The following PPP2R3A variants were observed in gnomAD, a reference collection of about 807,000 sequenced individuals.
The protein encoded by PPP2R3A is serine/threonine-protein phosphatase 2A regulatory subunit B'' subunit alpha.
In PPP2R3A, 80 loss-of-function variants were observed where a neutral mutation model predicts 106.9. The observed-to-expected ratio is 0.75, with a 90% confidence interval of 0.62 to 0.90. PPP2R3A has a LOEUF of 0.90. PPP2R3A is among the 40% of genes least tolerant of loss of function. The pLI is 0.00. For missense variants in PPP2R3A, 1,386 were observed against 1,350.4 expected, an observed-to-expected ratio of 1.03 and a Z score of -0.41; for synonymous variants, 483 against 468.3, an observed-to-expected ratio of 1.03 and a Z score of -0.41.
intron 3 of PPP2R3A, among the ~76,000 whole-genome samples, chr3:136,035,906 G>GCTTT (rs1463194525): frequency 6.6e-6 from 1 of 151,926 alleles, no homozygotes; most frequent in African/African-American, 2.4e-5. Flanking sequence ...CTCCTTAGAG[G>GCTTT]CTTTGTTCAT....
intron 2 of PPP2R3A, among the ~76,000 whole-genome samples, chr3:136,013,540 G>A (rs1934166122): frequency 6.6e-6 from 1 of 151,952 alleles, no homozygotes; most frequent in Non-Finnish European, 1.5e-5. Context: ...TTAAATTATG[G>A]CCATTCTTGC....
intron 13 of PPP2R3A, among the ~76,000 whole-genome samples, chr3:136,132,397 A>G (rs1938461574): frequency 6.6e-6 from 1 of 152,192 alleles, no homozygotes; most frequent in Admixed American, 6.5e-5. Context: ...TACCAGTGCT[A>G]TTAAGTGAAT....
At chr3:136,035,740 C>T (rs1935063004) in intron 3 of PPP2R3A, among the ~76,000 whole-genome samples, 1 of 152,136 alleles carries the variant, frequency 6.6e-6, no homozygotes, top group African/African-American at 2.4e-5. Context: ...CCCAGATGTT[C>T]TTTGTGCTTC....
At chr3:136,053,962 G>A (rs1016823127) in intron 5 of PPP2R3A, among the ~76,000 whole-genome samples, 1 of 151,676 alleles carries the variant, frequency 6.6e-6, no homozygotes, top group Non-Finnish European at 1.5e-5. Flanking sequence ...AAAAATAAAG[G>A]TTAAAAAAAC....
chr3:136,127,920 A>AT (rs1938245197), intron 13 of PPP2R3A, among the ~76,000 whole-genome samples: 1 of 152,316 alleles, frequency 6.6e-6, no homozygotes, highest in Non-Finnish European at 1.5e-5. Context: ...ACTAAGCTTC[A>AT]TAAGTGAAGG....
chr3:136,143,528 G>T (rs1938964659), intron 13 of PPP2R3A, among the ~76,000 whole-genome samples: 1 of 151,730 alleles, frequency 6.6e-6, no homozygotes, highest in African/African-American at 2.4e-5. Flanking sequence ...AGTGGCTCAT[G>T]CCTGTAATCC....
At chr3:135,968,604 T>G (rs896079506) in intron 1 of PPP2R3A, among the ~76,000 whole-genome samples, 2 of 152,008 alleles carry the variant, frequency 1.3e-5, no homozygotes, top group Admixed American at 6.6e-5. Flanking sequence ...AGTCCAACAC[T>G]CTCATCAGAA....
intron 3 of PPP2R3A, among the ~76,000 whole-genome samples, chr3:136,035,090 T>C (rs1935041499): frequency 6.6e-6 from 1 of 152,222 alleles, no homozygotes; most frequent in Non-Finnish European, 1.5e-5. Flanking sequence ...TCCTTTACCT[T>C]AAGTTTGTGC....
intron 13 of PPP2R3A, among the ~76,000 whole-genome samples, chr3:136,117,151 G>T (rs577721774): frequency 6.6e-6 from 1 of 152,148 alleles, no homozygotes; most frequent in African/African-American, 2.4e-5. Flanking sequence ...GGTAAATAAC[G>T]AAATGAAGGC....
chr3:135,970,217 T>A (rs965432099), intron 1 of PPP2R3A, among the ~76,000 whole-genome samples: 4 of 152,086 alleles, frequency 2.6e-5, no homozygotes, highest in African/African-American at 9.7e-5. Context: ...CATTTTGAAG[T>A]TTAGTAGAGG....
At chr3:136,029,555 G>T (rs765213977) in intron 3 of PPP2R3A, among the ~76,000 whole-genome samples, 1 of 152,190 alleles carries the variant, frequency 6.6e-6, no homozygotes, top group Non-Finnish European at 1.5e-5. Flanking sequence ...CCGGAGGAAC[G>T]ACTTTGCCAT....
Position 136,101,990 on chromosome 3 carries a change from T to C in PPP2R3A, c.2928-17T>C. 2 of 1,606,044 alleles carry C rather than the reference T, an allele frequency of 1.2e-6. No individual in the cohort carries two copies. The highest frequency in any genetic ancestry group is 4.5e-5 in the East Asian group (2 of 44,716). ...GTCTTTACCAGGCCCATGATAATGA[T>C]TGTCCTTATCATCTAGCATTGAGTA... On this transcript the variant is annotated splice_polypyrimidine_tract_variant and intron_variant, in intron 10 of 13. Coordinates refer to ENST00000264977, the MANE Select transcript of PPP2R3A (RefSeq NM_002718.5).
intron 4 of PPP2R3A, among the ~76,000 whole-genome samples, chr3:136,043,615 G>C (rs1935372034): frequency 6.6e-6 from 1 of 152,212 alleles, no homozygotes; most frequent in East Asian, 1.9e-4. Flanking sequence ...TCTTCTTATA[G>C]TCAGGACATT....
chr3:136,081,179 GAC>G (rs1018118750), intron 7 of PPP2R3A, among the ~76,000 whole-genome samples: 1 of 151,790 alleles, frequency 6.6e-6, no homozygotes, highest in African/African-American at 2.4e-5. Flanking sequence ...TTATAGTAGA[GAC>G]GGGGTTTCAC....
At chr3:136,144,373 G>A (rs1939011505) in intron 13 of PPP2R3A, among the ~76,000 whole-genome samples, 1 of 152,148 alleles carries the variant, frequency 6.6e-6, no homozygotes, top group African/African-American at 2.4e-5. Flanking sequence ...GAGAAAGTTT[G>A]CCACTCTGGC....
intron 5 of PPP2R3A, among the ~76,000 whole-genome samples, chr3:136,056,947 TAA>T (rs1163522696): frequency 5.3e-5 from 8 of 152,116 alleles, no homozygotes; most frequent in Admixed American, 2.0e-4. Flanking sequence ...TCAGCATCAC[TAA>T]TCATCAGAGA....
intron 13 of PPP2R3A, among the ~76,000 whole-genome samples, chr3:136,119,505 A>G (rs1937909359): frequency 6.6e-6 from 1 of 152,242 alleles, no homozygotes; most frequent in Non-Finnish European, 1.5e-5. Flanking sequence ...CAAAGAACTT[A>G]AACAAATTAA....
intron 2 of PPP2R3A, among the ~76,000 whole-genome samples, chr3:136,012,160 C>T (rs1559868212): frequency 6.6e-6 from 1 of 152,048 alleles, no homozygotes; most frequent in Non-Finnish European, 1.5e-5. Context: ...TTATTATGGT[C>T]TGTAATGAGC....
rs200937090 is a variant in PPP2R3A, at chr3:136,001,999, C to T, written c.501C>T (p.Asn167=). The change falls in exon 2 of 14, where the codon AAC becomes AAT. Residue 167 remains asparagine (N), a synonymous_variant. Transcript: ENST00000264977. ...DLDLLCGHYN[N]DGNAPSFGLL... The stretch of plus-strand genomic sequence containing the variant: ...ACTTGCTTTGTGGCCATTATAACAA[C>T]GATGGGAACGCCCCATCCTTTGGTT... The T allele has an allele frequency of 8.7e-6, 14 of 1,613,962 alleles. No homozygotes were observed. The highest frequency in any genetic ancestry group is 3.3e-4 in the Middle Eastern group (2 of 6,084).
Sources: allele counts gnomAD v4.1 joint callset (sites outside exome capture counted in the v4.1 genomes callset), GRCh38; gene constraint gnomAD v4.1.1; transcripts MANE v1.5; gene names NCBI Gene and HGNC (gene_info 2026-07-23, HGNC 2026-07-21).